STPG2: variants seen among roughly 807,000 people sequenced by gnomAD.
STPG2 encodes the protein sperm tail PG-rich repeat containing 2.
In STPG2, 56 loss-of-function variants were observed where a neutral mutation model predicts 54.2. That is an observed-to-expected ratio of 1.03 (90% confidence interval 0.83 to 1.29). The LOEUF is 1.29. Among genes scored for constraint, STPG2 ranks in the 50% most tolerant of loss-of-function variants. STPG2 has a pLI of 0.00. For synonymous variants in STPG2, 200 were observed against 181.8 expected, an observed-to-expected ratio of 1.10 and a Z score of -0.81; for missense variants, 596 against 544.9, an observed-to-expected ratio of 1.09 and a Z score of -0.93.
intron 10 of STPG2, among the ~76,000 whole-genome samples, chr4:97,610,345 A>G (rs1733700268): frequency 6.6e-6 from 1 of 152,080 alleles, no homozygotes; most frequent in Admixed American, 6.6e-5. Context: ...TAAAGTAAAC[A>G]ATTCATTGCT....
intron 4 of STPG2, among the ~76,000 whole-genome samples, chr4:97,500,342 A>G (rs549862750): frequency 6.6e-6 from 1 of 152,174 alleles, no homozygotes; most frequent in Non-Finnish European, 1.5e-5. Context: ...CCATTAATTG[A>G]GATGGGGAAG....
At chr4:97,784,370 C>T (rs192330146) in intron 9 of STPG2, among the ~76,000 whole-genome samples, 62 of 152,118 alleles carry the variant, frequency 4.1e-4, no homozygotes, top group Non-Finnish European at 3.5e-4. Flanking sequence ...TCTTGATTCA[C>T]TTTCAAATTG....
At chr4:97,755,497 T>C (rs1010815645) in intron 9 of STPG2, among the ~76,000 whole-genome samples, 1 of 152,138 alleles carries the variant, frequency 6.6e-6, no homozygotes, top group Non-Finnish European at 1.5e-5. Context: ...TTCATTTTCT[T>C]CTCTCTAGGA....
intron 9 of STPG2, among the ~76,000 whole-genome samples, chr4:97,837,614 C>T (rs1217872172): frequency 3.3e-5 from 5 of 151,580 alleles, no homozygotes; most frequent in South Asian, 2.1e-4. Flanking sequence ...ACAATTCTAA[C>T]GTGTTTTATT....
chr4:97,524,510 A>G lies in STPG2; in HGVS notation c.462+188189T>C, dbSNP rs989232192. Among the ~76,000 whole-genome samples the G allele has an allele frequency of 3.8e-4, 57 of 151,706 alleles. 1 individual carries two copies. The highest frequency in any genetic ancestry group is 4.8e-5 in the African/African-American group (2 of 41,352). On this transcript the variant is annotated intron_variant, in intron 4 of 4. Transcript: ENST00000522676. ...GCTTGTTTCATTTCCTTAATGTCTT[A>G]TTGCCTTCTATTCACATTAATGATA...
At chr4:97,865,621 T>G (rs538303419) in intron 8 of STPG2, among the ~76,000 whole-genome samples, 4 of 151,628 alleles carry the variant, frequency 2.6e-5, no homozygotes, top group African/African-American at 9.7e-5. Flanking sequence ...AAACACCACA[T>G]ATTCTCACTC....
At chr4:97,465,161 C>T (rs1729758949) in intron 4 of STPG2, among the ~76,000 whole-genome samples, 1 of 152,116 alleles carries the variant, frequency 6.6e-6, no homozygotes, top group South Asian at 2.1e-4. Context: ...TCTGGATCAG[C>T]CTCCAGCAAT....
At chr4:97,846,924 T>C (rs1421032446) in intron 8 of STPG2, among the ~76,000 whole-genome samples, 2 of 152,204 alleles carry the variant, frequency 1.3e-5, no homozygotes, top group African/African-American at 4.8e-5. Flanking sequence ...TGTTATTTCA[T>C]AGTTAAGTAT....
chr4:97,792,890 G>T (rs963939396), intron 9 of STPG2, among the ~76,000 whole-genome samples: 27 of 152,194 alleles, frequency 1.8e-4, no homozygotes, highest in African/African-American at 6.3e-4. Context: ...AGTGGCTCAC[G>T]TCTGTAATCG....
chr4:97,893,828 G>T (rs1458533087), intron 8 of STPG2, among the ~76,000 whole-genome samples: 11 of 152,088 alleles, frequency 7.2e-5, no homozygotes, highest in Non-Finnish European at 1.5e-4. Flanking sequence ...GATGTTGAGG[G>T]AGACAGGTGG....
chr4:97,511,285 C>T (rs188329075), intron 4 of STPG2, among the ~76,000 whole-genome samples: 7 of 151,426 alleles, frequency 4.6e-5, no homozygotes, highest in Admixed American at 3.9e-4. Context: ...CTACAAAATA[C>T]TAATTAAAAT....
At chr4:98,113,905 TGG>T (rs910980989) in intron 3 of STPG2, among the ~76,000 whole-genome samples, 17 of 151,898 alleles carry the variant, frequency 1.1e-4, no homozygotes, top group Non-Finnish European at 1.8e-4. Context: ...TTGGGTTTGG[TGG>T]GTGTAGGGGG....
In STPG2 at chr4:97,490,969, T is replaced by C. The variant is rs114238449; in HGVS notation, c.462+221730A>G. Among the ~76,000 whole-genome samples, 272 of 151,694 alleles carry C rather than the reference T, an allele frequency of 1.8e-3. 1 individual carries two copies. Among genetic ancestry groups the C allele is most frequent in the African/African-American group, 6.3e-3 (260 of 41,466 alleles). ...ATATGACCTCAGTTTACTCAGCAAA[T>C]GCATTATTTTATTCTCTTTCTGATT... On this transcript the variant is annotated intron_variant, in intron 4 of 4. Coordinates refer to the STPG2 transcript ENST00000522676.
At chr4:98,060,082 G>A (rs1737596581) in intron 5 of STPG2, among the ~76,000 whole-genome samples, 2 of 152,114 alleles carry the variant, frequency 1.3e-5, no homozygotes, top group South Asian at 4.1e-4. Flanking sequence ...GCAAAAGAAA[G>A]AAATAGAGGG....
At chr4:97,876,164 T>G (rs1439449122) in intron 8 of STPG2, among the ~76,000 whole-genome samples, 1 of 152,082 alleles carries the variant, frequency 6.6e-6, no homozygotes, top group Non-Finnish European at 1.5e-5. Context: ...TAGTGGAACT[T>G]GCCTAATTAA....
intron 7 of STPG2, among the ~76,000 whole-genome samples, chr4:97,966,527 A>G (rs1315417589): frequency 6.6e-6 from 1 of 152,136 alleles, no homozygotes; most frequent in African/African-American, 2.4e-5. Flanking sequence ...CAGAGAACAC[A>G]ACAAATATAC....
intron 5 of STPG2, among the ~76,000 whole-genome samples, chr4:98,053,464 T>C (rs942902110): frequency 6.6e-6 from 1 of 152,222 alleles, no homozygotes; most frequent in South Asian, 2.1e-4. Context: ...AGACAAACTC[T>C]ATTAGAGCCA....
In STPG2 at chr4:97,540,828, C is replaced by T. The variant is rs565507732; in HGVS notation, c.462+171871G>A. On this transcript the variant is annotated intron_variant, in intron 4 of 4. Transcript: ENST00000522676. ...GGCTGGTTCAACATACGCAAATCAA[C>T]AAACATAATCCAGCATATAAAAAGA... Among the ~76,000 whole-genome samples the T allele has an allele frequency of 4.1e-3, 631 of 152,076 alleles. 3 individuals carry two copies. The highest frequency in any genetic ancestry group is 0.02 in the South Asian group (98 of 4,820).
intron 5 of STPG2, among the ~76,000 whole-genome samples, chr4:98,022,883 A>C (rs1019328753): frequency 2.6e-5 from 4 of 152,052 alleles, no homozygotes; most frequent in African/African-American, 9.7e-5. Flanking sequence ...TCCTTTAAGC[A>C]CTTCTCTGCA....
Sources: allele counts gnomAD v4.1 joint callset (sites outside exome capture counted in the v4.1 genomes callset), GRCh38; gene constraint gnomAD v4.1.1; transcripts MANE v1.5; gene names NCBI Gene and HGNC (gene_info 2026-07-23, HGNC 2026-07-21).